The following NCOR1 variants were observed in gnomAD, a reference collection of about 807,000 sequenced individuals.
NCOR1 encodes the protein nuclear receptor corepressor 1.
Under a neutral mutation model 288.1 loss-of-function variants are expected in NCOR1, and 63 were observed. That is an observed-to-expected ratio of 0.22 (90% CI 0.18 to 0.27). The LOEUF is 0.27. Ranked by LOEUF, NCOR1 falls within the 10% of genes least tolerant of loss-of-function variation. The pLI is 1.00. For synonymous variants in NCOR1, 1,007 were observed against 1,065.9 expected, an observed-to-expected ratio of 0.94 and a Z score of 1.08; for missense variants, 2,397 against 3,019.2, an observed-to-expected ratio of 0.79 and a Z score of 4.83.
chr17:16,067,909 T>G lies in NCOR1; in HGVS notation c.4726A>C (p.Arg1576=), dbSNP rs569074674. The change falls in exon 32 of 46, where the codon AGG becomes CGG. Residue 1576 remains arginine (R), a synonymous_variant. Transcript: ENST00000268712. ...THLDPAMPFH[R]ALDPAAAAYL... is the part of the protein sequence containing the mutation. ...TTGTGTTTACCAGGATCCAAAGCCC[T>G]GTGAAAAGGCATGGCTGGATCCAAG... 1 of 1,613,528 alleles carries G rather than the reference T, an allele frequency of 6.2e-7. No homozygotes were observed. Among genetic ancestry groups the G allele is most frequent in the Non-Finnish European group, 8.5e-7 (1 of 1,179,692 alleles).
chr17:16,055,179 T>C (rs1470313871), intron 40 of NCOR1, among the ~76,000 whole-genome samples: 1 of 152,180 alleles, frequency 6.6e-6, no homozygotes, highest in African/African-American at 2.4e-5. Context: ...ACTGGGTATA[T>C]ACCCAAAGGA....
chr17:16,212,190 G>A (rs1167329986), intron 1 of NCOR1, among the ~76,000 whole-genome samples: 1 of 151,938 alleles, frequency 6.6e-6, no homozygotes, highest in Non-Finnish European at 1.5e-5. Flanking sequence ...ACTTGAACCT[G>A]GGAAGCTGAA....
chr17:16,047,773 G>A (rs865821277), intron 41 of NCOR1, among the ~76,000 whole-genome samples: 12 of 152,150 alleles, frequency 7.9e-5, no homozygotes, highest in African/African-American at 2.9e-4. Context: ...AGAGACTATA[G>A]GTTATTGAAA....
At chr17:16,109,984 G>A (rs901671035) in intron 18 of NCOR1, among the ~76,000 whole-genome samples, 21 of 152,134 alleles carry the variant, frequency 1.4e-4, no homozygotes, top group Non-Finnish European at 2.2e-4. Context: ...CACCCGCTTT[G>A]GCCTCCCAAA....
intron 42 of NCOR1, chr17:16,044,567 C>T (rs752696998): frequency 1.9e-6 from 1 of 517,406 alleles, no homozygotes; most frequent in South Asian, 1.5e-5. Flanking sequence ...GCCCTCACTT[C>T]ATCCGGCAAC....
chr17:16,154,015 CT>C (rs61436082), intron 6 of NCOR1, among the ~76,000 whole-genome samples: 12,560 of 109,686 alleles, frequency 0.11, 281 homozygotes, highest in African/African-American at 0.15. Context: ...ATGCTATTTC[CT>C]TTTTTTTTTT....
chr17:16,114,005 C>T (rs138595745), intron 18 of NCOR1, among the ~76,000 whole-genome samples: 10 of 152,086 alleles, frequency 6.6e-5, no homozygotes, highest in Admixed American at 1.3e-4. Flanking sequence ...TTCATTTTCA[C>T]GCTGCTGATA....
In NCOR1 at chr17:16,073,006, C is replaced by T. The variant is rs1320202379; in HGVS notation, c.3811+423G>A. On this transcript the variant is annotated intron_variant, in intron 28 of 45. Transcript: ENST00000268712. Reference sequence around the variant, plus strand: ...AAGAAACAGGCTCAAAGGAATTTTACCAGGGAAGGGTGAAGCTGAAATTTA... The same window carrying T: ...AAGAAACAGGCTCAAAGGAATTTTATCAGGGAAGGGTGAAGCTGAAATTTA... Among the ~76,000 whole-genome samples, 4 of 152,182 alleles carry T rather than the reference C, an allele frequency of 2.6e-5. No individual in the cohort carries two copies. The East Asian group carries it at 7.7e-4, about 29-fold the overall frequency.
intron 21 of NCOR1, among the ~76,000 whole-genome samples, chr17:16,095,777 G>A (rs1364422156): frequency 6.6e-6 from 1 of 150,880 alleles, no homozygotes; most frequent in Non-Finnish European, 1.5e-5. Context: ...TGCCCCTACT[G>A]GGAAGTGAGG....
intron 1 of NCOR1, among the ~76,000 whole-genome samples, chr17:16,212,257 A>AC (rs1470244596): frequency 1.3e-5 from 2 of 151,374 alleles, no homozygotes; most frequent in African/African-American, 4.9e-5. Context: ...CAAGAGCGAG[A>AC]CCCTGTCTCA....
At chr17:16,071,752 T>C (rs2061787721) in intron 29 of NCOR1, 87 bp from the exon 30 acceptor site, 8 of 1,230,694 alleles carry the variant, frequency 6.5e-6, no homozygotes, top group South Asian at 1.6e-5. Flanking sequence ...ATGGTTAAAA[T>C]GGTAAATTTT....
intron 40 of NCOR1, among the ~76,000 whole-genome samples, chr17:16,050,714 T>C (rs1369427190): frequency 1.4e-5 from 2 of 143,790 alleles, no homozygotes; most frequent in Non-Finnish European, 3.0e-5. Context: ...TCCAAAACTC[T>C]GTAAATAATC....
At chr17:16,213,357 G>A (rs1290718854) in intron 1 of NCOR1, among the ~76,000 whole-genome samples, 3 of 152,104 alleles carry the variant, frequency 2.0e-5, no homozygotes, top group Non-Finnish European at 2.9e-5. Context: ...GCCAGGCATG[G>A]TGGCACGCGC....
At chr17:16,165,557 G>A (rs995282202) in intron 4 of NCOR1, among the ~76,000 whole-genome samples, 2 of 152,182 alleles carry the variant, frequency 1.3e-5, no homozygotes, top group African/African-American at 4.8e-5. Context: ...ATTATTCCAG[G>A]TAAAACCTGT....
At chr17:16,124,595 C>T (rs1352216227) in intron 15 of NCOR1, among the ~76,000 whole-genome samples, 1 of 152,212 alleles carries the variant, frequency 6.6e-6, no homozygotes, top group Non-Finnish European at 1.5e-5. Flanking sequence ...AACCAACTGT[C>T]ATGCCCCCAC....
chr17:16,049,466 GTTC>G (rs1056086682), intron 40 of NCOR1: 1 of 152,238 alleles, frequency 6.6e-6, no homozygotes, highest in Non-Finnish European at 1.5e-5. Context: ...GTCAACATAG[GTTC>G]TAGTTACACT....
rs548520241 is a variant in NCOR1 at position 16,063,615 on chromosome 17, T to C, written c.5221+453A>G. ...ACTCTTCAGGGTTTTAATCCATCTATTCCACTCGTGTAAATGTCCCTCTGA... is the reference window on the plus strand; with the variant it reads ...ACTCTTCAGGGTTTTAATCCATCTACTCCACTCGTGTAAATGTCCCTCTGA... On this transcript the variant is annotated intron_variant, in intron 35 of 45. Transcript: ENST00000268712. 2.0e-5 allele frequency among the ~76,000 whole-genome samples: 3 copies of C among 152,342 alleles called. No homozygotes were observed. In the South Asian group the frequency reaches 6.2e-4, roughly 32 times the overall value.
At chr17:16,214,107 C>G (rs2092367595) in intron 1 of NCOR1, among the ~76,000 whole-genome samples, 1 of 152,146 alleles carries the variant, frequency 6.6e-6, no homozygotes, top group African/African-American at 2.4e-5. Context: ...CAGTAACTTG[C>G]GGTTACTTCT....
At chr17:16,037,008 TTTTCA>T (rs1390098144) in intron 44 of NCOR1, among the ~76,000 whole-genome samples, 5 of 152,228 alleles carry the variant, frequency 3.3e-5, no homozygotes, top group African/African-American at 1.2e-4. Context: ...CATTTCTAAC[TTTTCA>T]TTTCAAGTGA....
Sources: allele counts gnomAD v4.1 joint callset (sites outside exome capture counted in the v4.1 genomes callset), GRCh38; gene constraint gnomAD v4.1.1; transcripts MANE v1.5; gene names NCBI Gene and HGNC (gene_info 2026-07-23, HGNC 2026-07-21).